The following PKD1L3 variants were observed in gnomAD, a reference collection of about 807,000 sequenced individuals.
The protein encoded by PKD1L3 is polycystin 1 like 3, transient receptor potential channel interacting.
In PKD1L3, 239 loss-of-function variants were observed where a neutral mutation model predicts 184.1. The ratio of observed to expected loss-of-function variants is 1.30; its 90% confidence interval spans 1.17 to 1.45. PKD1L3 has a LOEUF of 1.45. Among genes scored for constraint, PKD1L3 ranks in the 40% most tolerant of loss-of-function variants. The probability of loss-of-function intolerance (pLI) is 0.00; values close to 1 mark genes in which losing one functional copy is unlikely to be tolerated. For synonymous variants in PKD1L3, 996 were observed against 778.8 expected, an observed-to-expected ratio of 1.28 and a Z score of -4.64; for missense variants, 2,660 against 2,067.2, an observed-to-expected ratio of 1.29 and a Z score of -5.56.
chr16:71,937,126 G>C (rs1440169183), intron 25 of PKD1L3, among the ~76,000 whole-genome samples, 166 bp downstream of exon 25: 1 of 152,066 alleles, frequency 6.6e-6, no homozygotes, highest in Non-Finnish European at 1.5e-5. Context: ...CGTGATCTTA[G>C]CTCACTGCAA....
chr16:71,946,924 A>AAGGGAGAGAGAG (rs967522104), intron 22 of PKD1L3, among the ~76,000 whole-genome samples: 4 of 37,130 alleles, frequency 1.1e-4, no homozygotes, highest in East Asian at 1.3e-3. Context: ...GAGAGAGAGA[A>AAGGGAGAGAGAG]AGGGAGAGAG....
chr16:71,986,632 G>A (rs574473323), intron 4 of PKD1L3, among the ~76,000 whole-genome samples, 163 bp from the exon 5 acceptor site: 131 of 152,178 alleles, frequency 8.6e-4, no homozygotes, highest in Middle Eastern at 3.4e-3. Context: ...GAAATTTCAA[G>A]AAATCTGCAT....
At chr16:71,976,750 C>T (rs1207361934) in intron 11 of PKD1L3, among the ~76,000 whole-genome samples, 1 of 152,134 alleles carries the variant, frequency 6.6e-6, no homozygotes, top group Non-Finnish European at 1.5e-5. Flanking sequence ...AAGACCCTGT[C>T]TCCACTTTTT....
In PKD1L3 at chr16:71,999,715, T is replaced by C. The variant is rs199655008; in HGVS notation, c.264A>G (p.Pro88=). ...ATTTGTTGTCTTGATGCTTTTTCAA[T>C]GGCATTACATTTTGCCCAATCCACC... The part of the protein sequence containing the change: ...KKWWIGQNVM[P]LKKHQDNKYP... Residue 88 remains proline (P), a synonymous_variant, in exon 1 of 30, where the codon CCA becomes CCG. Transcript: ENST00000620267. 2 of 1,549,612 alleles carry C rather than the reference T, an allele frequency of 1.3e-6. No homozygotes were observed. Among genetic ancestry groups the C allele is most frequent in the East Asian group, 4.9e-5 (2 of 40,860 alleles).
At chr16:71,952,102 G>A (rs1422764714) in intron 18 of PKD1L3, among the ~76,000 whole-genome samples, 3 of 151,660 alleles carry the variant, frequency 2.0e-5, no homozygotes, top group Non-Finnish European at 4.4e-5. Context: ...ACAGGAATTG[G>A]GAAAAATATA....
chr16:71,934,175 C>A, intron 26 of PKD1L3, 50 bp from the exon 27 acceptor site: 1 of 1,521,536 alleles, frequency 6.6e-7, no homozygotes, highest in Non-Finnish European at 8.9e-7. Context: ...TGTGCCTATA[C>A]TGCAGTTTCC....
At chr16:71,973,218 C>A (rs963984740) in intron 12 of PKD1L3, 106 bp downstream of exon 12, 3 of 1,318,714 alleles carry the variant, frequency 2.3e-6, no homozygotes, top group Non-Finnish European at 3.1e-6. Context: ...TTTCAAACCA[C>A]CTGATTATTT....
intron 11 of PKD1L3, among the ~76,000 whole-genome samples, chr16:71,975,504 C>G (rs1334844115): frequency 6.6e-6 from 1 of 152,066 alleles, no homozygotes; most frequent in Non-Finnish European, 1.5e-5. Context: ...AGTTGAAATA[C>G]ATAGGACATA....
intron 5 of PKD1L3, 107 bp from the exon 6 acceptor site, chr16:71,984,274 C>T: frequency 8.9e-7 from 1 of 1,125,896 alleles, no homozygotes. Flanking sequence ...CTTTATAAAC[C>T]CTATGAACCA....
chr16:71,949,047 C>T (rs191372454), intron 21 of PKD1L3, among the ~76,000 whole-genome samples: 2 of 152,064 alleles, frequency 1.3e-5, no homozygotes, highest in African/African-American at 2.4e-5. Flanking sequence ...GATATGAAGT[C>T]TGATATTGTT....
intron 2 of PKD1L3, among the ~76,000 whole-genome samples, chr16:71,994,808 G>C (rs2040724799): frequency 6.6e-6 from 1 of 152,072 alleles, no homozygotes; most frequent in Admixed American, 6.6e-5. Context: ...AGACCAGCCT[G>C]GCCAGGATGG....
chr16:71,949,465 C>T (rs2038745909), intron 21 of PKD1L3, among the ~76,000 whole-genome samples: 1 of 151,780 alleles, frequency 6.6e-6, no homozygotes, highest in Admixed American at 6.6e-5. Flanking sequence ...AATCCTCCCA[C>T]CTTAGACTCC....
intron 22 of PKD1L3, among the ~76,000 whole-genome samples, chr16:71,946,198 T>C (rs1358716060): frequency 6.6e-6 from 1 of 152,058 alleles, no homozygotes. Flanking sequence ...CAGTTTAAAG[T>C]CAGATTAAGT....
Position 71,942,942 on chromosome 16 carries a change from G to A in PKD1L3, c.3942C>T (p.Ile1314=). The A allele has an allele frequency of 6.4e-7, 1 of 1,551,596 alleles. No individual in the cohort carries two copies. Among genetic ancestry groups the A allele is most frequent in the Non-Finnish European group, 8.7e-7 (1 of 1,146,910 alleles). The change falls in exon 24 of 30, where the codon ATC becomes ATT. Residue 1314 remains isoleucine, a synonymous_variant. Coordinates refer to ENST00000620267, the MANE Select transcript of PKD1L3 (RefSeq NM_181536.2). ...NSNRFYLHQA[I]WKTFSHQFSE... ...AGAACTGGTGCGAAAATGTCTTCCA[G>A]ATAGCTTGGTGGAGGTAAAATCTAT... is the stretch of plus-strand genomic sequence containing the variant.
At chr16:71,962,398 C>G (rs150353492) in intron 16 of PKD1L3, among the ~76,000 whole-genome samples, 1 of 152,130 alleles carries the variant, frequency 6.6e-6, no homozygotes, top group Non-Finnish European at 1.5e-5. Flanking sequence ...TACATGGATA[C>G]CTAGAAAGAT....
chr16:71,980,233 T>C, intron 7 of PKD1L3, 99 bp from the exon 8 acceptor site: 1 of 1,409,632 alleles, frequency 7.1e-7, no homozygotes, highest in Non-Finnish European at 9.6e-7. Context: ...ATTTTCACAG[T>C]GTTGTAATGA....
chr16:71,936,731 C>T (rs1292380520), intron 25 of PKD1L3, among the ~76,000 whole-genome samples: 2 of 152,108 alleles, frequency 1.3e-5, no homozygotes, highest in Admixed American at 6.5e-5. Context: ...AATCCGCCTG[C>T]CTCGGCCTCC....
intron 18 of PKD1L3, 92 bp downstream of exon 18, chr16:71,952,802 C>A (rs1375469810): frequency 1.5e-6 from 2 of 1,329,624 alleles, no homozygotes; most frequent in Admixed American, 5.8e-5. Flanking sequence ...TGCACCACTA[C>A]ACTCCAGTCT....
At chr16:71,988,748 G>C (rs1046622518) in intron 4 of PKD1L3, among the ~76,000 whole-genome samples, 2 of 152,176 alleles carry the variant, frequency 1.3e-5, no homozygotes, top group Admixed American at 1.3e-4. Flanking sequence ...CACATTTATT[G>C]AGTCCAAGTT....
Sources: allele counts gnomAD v4.1 joint callset (sites outside exome capture counted in the v4.1 genomes callset), GRCh38; gene constraint gnomAD v4.1.1; transcripts MANE v1.5; gene names NCBI Gene and HGNC (gene_info 2026-07-23, HGNC 2026-07-21).